Variants in ANGPT1 observed in about 807,000 individuals in gnomAD.
The protein encoded by ANGPT1 is angiopoietin 1, also known as angiopoietin-1.
A neutral mutation model predicts 62.2 loss-of-function variants in ANGPT1; 17 were observed. The observed-to-expected ratio is 0.27, with a 90% CI of 0.19 to 0.41. The LOEUF (loss-of-function observed/expected upper bound fraction) is 0.41. ANGPT1 is among the 10% of genes least tolerant of loss of function. ANGPT1 has a pLI of 1.00. For missense variants in ANGPT1, 478 were observed against 594.9 expected, an observed-to-expected ratio of 0.80 and a Z score of 2.04; for synonymous variants, 199 against 198.9, an observed-to-expected ratio of 1.00 and a Z score of 0.00.
chr8:107,463,465 C>A (rs1812122548), intron 1 of ANGPT1, among the ~76,000 whole-genome samples: 1 of 152,072 alleles, frequency 6.6e-6, no homozygotes, highest in South Asian at 2.1e-4. Context: ...AAAACTAATG[C>A]AGCCCCCAAA....
At chr8:107,415,959 G>C (rs1278858766) in intron 1 of ANGPT1, among the ~76,000 whole-genome samples, 1 of 152,092 alleles carries the variant, frequency 6.6e-6, no homozygotes, top group Non-Finnish European at 1.5e-5. Context: ...TTATAGGGGA[G>C]TGGAGAAGTT....
chr8:107,436,938 A>T (rs1375899066), intron 1 of ANGPT1, among the ~76,000 whole-genome samples: 1 of 152,248 alleles, frequency 6.6e-6, no homozygotes, highest in Non-Finnish European at 1.5e-5. Context: ...ATATGCTAGT[A>T]TATTTAAACA....
At chr8:107,271,329 C>A (rs556034402) in intron 7 of ANGPT1, among the ~76,000 whole-genome samples, 4 of 152,078 alleles carry the variant, frequency 2.6e-5, no homozygotes, top group East Asian at 1.9e-4. Context: ...CTGCTGCATG[C>A]AAAATAAAGT....
At chr8:107,457,569 G>C (rs548028587) in intron 1 of ANGPT1, among the ~76,000 whole-genome samples, 3 of 151,976 alleles carry the variant, frequency 2.0e-5, no homozygotes, top group African/African-American at 7.2e-5. Context: ...AATAGATAAA[G>C]CTTTGCCAAT....
chr8:107,301,343 C>G (rs10505106), intron 5 of ANGPT1, among the ~76,000 whole-genome samples: 5,785 of 151,900 alleles, frequency 0.038, 236 homozygotes, highest in African/African-American at 0.095. Flanking sequence ...TCTTTCAGGT[C>G]TTGAGTAGTA....
At chr8:107,336,367 T>C in intron 2 of ANGPT1, 96 bp from the exon 3 acceptor site, 1 of 1,471,314 alleles carries the variant, frequency 6.8e-7, no homozygotes, top group Non-Finnish European at 8.9e-7. Context: ...TCAAGAATAA[T>C]TTAACAAATG....
At chr8:107,384,749 A>C (rs1237248504) in intron 1 of ANGPT1, among the ~76,000 whole-genome samples, 2 of 152,036 alleles carry the variant, frequency 1.3e-5, no homozygotes, top group African/African-American at 4.8e-5. Flanking sequence ...AGGGTTTTCT[A>C]GTTTTAAGTT....
At chr8:107,421,176 C>A (rs544910507) in intron 1 of ANGPT1, among the ~76,000 whole-genome samples, 7 of 152,006 alleles carry the variant, frequency 4.6e-5, no homozygotes, top group Non-Finnish European at 8.8e-5. Flanking sequence ...CTATTTTGCA[C>A]GGAAAACTTT....
At chr8:107,325,660 A>T (rs1203544214) in intron 3 of ANGPT1, among the ~76,000 whole-genome samples, 1 of 152,162 alleles carries the variant, frequency 6.6e-6, no homozygotes, top group Non-Finnish European at 1.5e-5. Context: ...ATAAAATGAC[A>T]CTATTCTTAC....
At chr8:107,338,226 C>T (rs561776549) in intron 2 of ANGPT1, among the ~76,000 whole-genome samples, 1 of 152,292 alleles carries the variant, frequency 6.6e-6, no homozygotes, top group African/African-American at 2.4e-5. Flanking sequence ...GTGAGAGAGG[C>T]AAATGCCTCA....
intron 1 of ANGPT1, among the ~76,000 whole-genome samples, chr8:107,456,310 T>A (rs1386752490): frequency 6.6e-6 from 1 of 152,058 alleles, no homozygotes; most frequent in African/African-American, 2.4e-5. Flanking sequence ...ACATTCCACA[T>A]GCATATTTCT....
chr8:107,488,481 T>C (rs1812872670), intron 1 of ANGPT1, among the ~76,000 whole-genome samples: 1 of 152,216 alleles, frequency 6.6e-6, no homozygotes. Flanking sequence ...GATATTAAAC[T>C]TCTGCGGAAT....
chr8:107,431,645 G>T (rs1315566866), intron 1 of ANGPT1, among the ~76,000 whole-genome samples: 2 of 151,992 alleles, frequency 1.3e-5, no homozygotes, highest in Non-Finnish European at 2.9e-5. Flanking sequence ...TCCTAGTTTT[G>T]AATTCCAGTT....
chr8:107,320,720 T>C (rs1272495455), intron 4 of ANGPT1, among the ~76,000 whole-genome samples: 1 of 152,136 alleles, frequency 6.6e-6, no homozygotes, highest in Admixed American at 6.6e-5. Context: ...TAAAGGCTTG[T>C]TTAGACTATC....
intron 6 of ANGPT1, among the ~76,000 whole-genome samples, chr8:107,291,580 T>C (rs1255447976): frequency 2.0e-5 from 3 of 151,782 alleles, no homozygotes; most frequent in Admixed American, 6.6e-5. Context: ...CCCGGCTAAT[T>C]TTTTGTTGTT....
intron 1 of ANGPT1, among the ~76,000 whole-genome samples, chr8:107,440,126 G>A (rs1811436091): frequency 6.6e-6 from 1 of 152,170 alleles, no homozygotes; most frequent in Non-Finnish European, 1.5e-5. Flanking sequence ...TGACTGGGTA[G>A]AATATGAAAG....
At chr8:107,287,281 C>T (rs1010422934) in intron 6 of ANGPT1, among the ~76,000 whole-genome samples, 1 of 152,188 alleles carries the variant, frequency 6.6e-6, no homozygotes, top group Non-Finnish European at 1.5e-5. Context: ...AATGGACAAG[C>T]ATTAGCCTCA....
At chr8:107,291,700 C>T (rs529642219) in intron 6 of ANGPT1, among the ~76,000 whole-genome samples, 33 of 152,098 alleles carry the variant, frequency 2.2e-4, no homozygotes, top group South Asian at 1.9e-3. Flanking sequence ...CTTGAGCTAC[C>T]GTGCCTGGCC....
chr8:107,440,622 T>C (rs1002914816), intron 1 of ANGPT1, among the ~76,000 whole-genome samples: 12 of 152,242 alleles, frequency 7.9e-5, no homozygotes, highest in African/African-American at 2.4e-4. Flanking sequence ...AAAATATGCA[T>C]ACTTTAAATG....
Sources: allele counts gnomAD v4.1 joint callset (sites outside exome capture counted in the v4.1 genomes callset), GRCh38; gene constraint gnomAD v4.1.1; transcripts MANE v1.5; gene names NCBI Gene and HGNC (gene_info 2026-07-23, HGNC 2026-07-21).